Variants in PAIP1 observed in about 807,000 individuals in gnomAD.
The protein encoded by PAIP1 is poly(A) binding protein interacting protein 1.
PAIP1 carries 16 observed loss-of-function variants against 61.3 expected under a neutral mutation model. That is an observed-to-expected ratio of 0.26 (90% CI 0.18 to 0.40). The LOEUF is 0.40. PAIP1 is among the 10% of genes least tolerant of loss of function. PAIP1 has a pLI of 1.00. For missense variants in PAIP1, 416 were observed against 600.9 expected (o/e 0.69, Z 3.22); for synonymous variants, 187 against 226.2 (o/e 0.83, Z 1.56).
chr5:43,549,194 C>T (rs532812582), intron 2 of PAIP1, among the ~76,000 whole-genome samples: 1 of 152,340 alleles, frequency 6.6e-6, no homozygotes, highest in East Asian at 1.9e-4. Context: ...CCCACCTTGG[C>T]CTCCCAAAGT....
chr5:43,541,417 A>G (rs376952730), intron 4 of PAIP1, among the ~76,000 whole-genome samples: 20 of 146,252 alleles, frequency 1.4e-4, no homozygotes, highest in Non-Finnish European at 3.0e-4. Flanking sequence ...CTCCCAAAGT[A>G]CTGGGATTAC....
chr5:43,532,617 A>T (rs533072625), intron 9 of PAIP1, among the ~76,000 whole-genome samples: 1 of 152,344 alleles, frequency 6.6e-6, no homozygotes, highest in African/African-American at 2.4e-5. Flanking sequence ...CAAGACTGAT[A>T]AATTTTGTTC....
chr5:43,533,907 C>G, intron 8 of PAIP1, 115 bp from the exon 9 acceptor site: 1 of 687,366 alleles, frequency 1.5e-6, no homozygotes, highest in Non-Finnish European at 2.7e-6. Context: ...CAAGAACAAG[C>G]AAAGGAACCT....
rs549803821 is a variant in PAIP1, at chr5:43,555,950, T to C, written c.315A>G (p.Pro105=). 1.9e-6 allele frequency: 3 copies of C among 1,614,072 alleles called. No individual in the cohort carries two copies. The highest frequency in any genetic ancestry group is 1.7e-5 in the Admixed American group (1 of 60,014). ...RAPPSSQDKI[P]QQNSESAMAK... ...CCATTGCTGACTCCGAGTTCTGCTG[T>C]GGGATTTTATCCTGTGAACTAGGTG... The change falls in exon 2 of 11, where the codon CCA becomes CCG. Residue 105 remains proline, a synonymous_variant. Transcript: ENST00000306846.
At position 43,527,513 on chromosome 5, in the gene PAIP1, CAG is replaced by C. The variant is rs766601802; in HGVS notation, c.1347-46_1347-45del. On this transcript the variant is annotated intron_variant, in intron 10 of 10. Transcript: ENST00000306846. ...TTCATAAGTGTAAGGTTTTTCAACT[CAG>C]AAAGTAAGATGCTAAATCATGAAAA... 3.3e-6 allele frequency: 5 copies of C among 1,514,780 alleles called. No homozygotes were observed. The African/African-American group carries it at 7.0e-5, about 21-fold the overall frequency. The allele number at this position is 1,514,780 out of a possible 1,614,324, so 93.8% of individuals were successfully genotyped here. A position where few individuals can be genotyped will look rare whatever the true frequency, so the allele number is the denominator to read the frequency against.
chr5:43,545,264 C>G (rs942626803), intron 3 of PAIP1, among the ~76,000 whole-genome samples: 1 of 152,172 alleles, frequency 6.6e-6, no homozygotes, highest in Non-Finnish European at 1.5e-5. Flanking sequence ...TGCTTCAGAC[C>G]TACTATGCAT....
chr5:43,529,565 T>C (rs1746852532), intron 10 of PAIP1, among the ~76,000 whole-genome samples: 1 of 152,204 alleles, frequency 6.6e-6, no homozygotes, highest in South Asian at 2.1e-4. Context: ...CTAATTTTTG[T>C]ACTTTTAGTA....
intron 1 of PAIP1, chr5:43,556,255 G>C: frequency 7.8e-7 from 1 of 1,278,776 alleles, no homozygotes; most frequent in Non-Finnish European, 9.8e-7. Context: ...CGTTTTAAAG[G>C]GGTCGGTGGA....
intron 3 of PAIP1, among the ~76,000 whole-genome samples, chr5:43,543,350 A>C (rs980675793): frequency 7.3e-5 from 11 of 151,386 alleles, no homozygotes; most frequent in Non-Finnish European, 2.9e-5. Context: ...CAGTTACCTG[A>C]GGCTACCAGA....
chr5:43,544,408 T>G (rs1410779726), intron 3 of PAIP1, among the ~76,000 whole-genome samples: 1 of 152,148 alleles, frequency 6.6e-6, no homozygotes, highest in African/African-American at 2.4e-5. Flanking sequence ...TTTCCCATTA[T>G]TGGCACTGCA....
intron 2 of PAIP1, among the ~76,000 whole-genome samples, chr5:43,548,792 G>A (rs1446918688): frequency 6.6e-6 from 1 of 152,084 alleles, no homozygotes; most frequent in African/African-American, 2.4e-5. Flanking sequence ...TCTCCAAACA[G>A]AGTAAATGAA....
chr5:43,556,137 C>T lies in PAIP1; in HGVS notation c.266-138G>A, dbSNP rs1748057765. The T allele has an allele frequency of 1.9e-5, 27 of 1,437,306 alleles. No individual in the cohort carries two copies. In the South Asian group the frequency reaches 3.7e-4, roughly 20 times the overall value. The allele number at this position is 1,437,306 out of a possible 1,614,324, so 89.0% of individuals were successfully genotyped here. A position where few individuals can be genotyped will look rare whatever the true frequency, so the allele number is the denominator to read the frequency against. ...CCATCATGAAATTTATGGTTATCGCCGGAATGTGTACAGACAGCCTACAAA... is the reference window on the plus strand; with the variant it reads ...CCATCATGAAATTTATGGTTATCGCTGGAATGTGTACAGACAGCCTACAAA... On this transcript the variant is annotated intron_variant, in intron 1 of 10. Transcript: ENST00000306846.
Position 43,547,844 on chromosome 5 carries a change from G to T in PAIP1, c.505C>A (p.Leu169Ile). ...SEYVQDFLNH[L>I]TEQPGSFETE... ...TCAAAACTGCCAGGCTGCTCTGTAA[G>T]ATGATTCAAAAAATCCTGAACATAT... Residue 169 changes from leucine to isoleucine, a missense_variant, in exon 3 of 11, where the codon CTT becomes ATT. Physicochemically the swap from Leu to Ile is conservative, Grantham distance 5. Coordinates refer to ENST00000306846, the MANE Select transcript of PAIP1 (RefSeq NM_006451.5). The T allele has an allele frequency of 1.2e-6, 2 of 1,611,854 alleles. No individual in the cohort carries two copies. Among genetic ancestry groups the T allele is most frequent in the Non-Finnish European group, 1.7e-6 (2 of 1,178,178 alleles).
rs6869933 is a variant in PAIP1, at chr5:43,535,652, G to T, written c.973-12C>A. 1.5e-5 allele frequency: 22 copies of T among 1,428,962 alleles called. No individual in the cohort carries two copies. The highest frequency in any genetic ancestry group is 2.2e-5 in the Non-Finnish European group (22 of 1,013,682). The allele number at this position is 1,428,962 out of a possible 1,614,324, so 88.5% of individuals were successfully genotyped here. A position where few individuals can be genotyped will look rare whatever the true frequency, so the allele number is the denominator to read the frequency against. On this transcript the variant is annotated splice_polypyrimidine_tract_variant and intron_variant, in intron 6 of 10. Coordinates refer to ENST00000306846, the MANE Select transcript of PAIP1 (RefSeq NM_006451.5). ...ACTGATCCTGTCAACTAAAAAAGCA[G>T]GTGTCAGTAAAATAAGAAATTCAAT...
At chr5:43,546,358 A>G (rs1747635245) in intron 3 of PAIP1, among the ~76,000 whole-genome samples, 1 of 152,246 alleles carries the variant, frequency 6.6e-6, no homozygotes, top group South Asian at 2.1e-4. Context: ...AGAAATAAAT[A>G]CATTTGTTTC....
chr5:43,527,530 A>T, intron 10 of PAIP1, 61 bp from the exon 11 acceptor site: 1 of 1,424,912 alleles, frequency 7.0e-7, no homozygotes, highest in Non-Finnish European at 9.6e-7. Flanking sequence ...TAAGATGCTA[A>T]ATCATGAAAA....
In PAIP1 at chr5:43,529,792, C is replaced by T; in HGVS notation, c.1340G>A (p.Gly447Asp). Residue 447 changes from glycine (G) to aspartate (D), a missense_variant, in exon 10 of 11, where the codon GGT becomes GAT. Around this residue, in one of 4 missense-constraint regions of PAIP1, gnomAD observed 135 missense variants for 283.9 expected, o/e 0.48. Transcript: ENST00000306846. ...EENGTDLSGA[G>D]DPYLDDIDDE... is the part of the protein sequence containing the mutation. ...GTAACTGAAGAAAACTTACGGATCA[C>T]CAGCCCCGGATAAATCTGTTCCATT... The T allele has an allele frequency of 1.3e-6, 2 of 1,533,988 alleles. No individual in the cohort carries two copies. Among genetic ancestry groups the T allele is most frequent in the African/African-American group, 2.7e-5 (2 of 73,414 alleles).
rs2112387048 is a variant in PAIP1 at position 43,535,780 on chromosome 5, T to C, written c.973-140A>G. On this transcript the variant is annotated intron_variant, in intron 6 of 10. Coordinates refer to ENST00000306846, the MANE Select transcript of PAIP1 (RefSeq NM_006451.5). ...ATATTCCTAATTATTCTGTCTACCA[T>C]CTAATATTCAGTGATCTCTACGCCC... is the stretch of plus-strand genomic sequence containing the variant. 4 of 604,028 alleles carry C rather than the reference T, an allele frequency of 6.6e-6. No individual in the cohort carries two copies. The East Asian group carries it at 1.1e-4, about 17-fold the overall frequency. 37.4% of individuals were successfully genotyped at this position (604,028 alleles called of 1,614,324 possible).
intron 4 of PAIP1, among the ~76,000 whole-genome samples, chr5:43,540,597 A>C (rs1747359324): frequency 6.6e-6 from 1 of 152,258 alleles, no homozygotes; most frequent in African/African-American, 2.4e-5. Flanking sequence ...TAAAAACAAG[A>C]GATAACTGCT....
Sources: allele counts gnomAD v4.1 joint callset (sites outside exome capture counted in the v4.1 genomes callset), GRCh38; gene constraint gnomAD v4.1.1; regional missense constraint gnomAD v4.1.1; transcripts MANE v1.5; gene names NCBI Gene and HGNC (gene_info 2026-07-23, HGNC 2026-07-21).